TRIM22: variants seen among roughly 807,000 people sequenced by gnomAD.
The protein encoded by TRIM22 is tripartite motif containing 22.
TRIM22 carries 45 observed loss-of-function variants against 53.6 expected under a neutral mutation model. The ratio of observed to expected loss-of-function variants is 0.84; its 90% confidence interval spans 0.66 to 1.08. The LOEUF (loss-of-function observed/expected upper bound fraction) is 1.08, where lower values mean the gene tolerates loss of function less well. Ranked by LOEUF, TRIM22 falls within the 50% of genes least tolerant of loss-of-function variation. The pLI is 0.00. For missense variants in TRIM22, 616 were observed against 590.9 expected (o/e 1.04, Z -0.44); for synonymous variants, 225 against 216.6 (o/e 1.04, Z -0.34).
At position 5,708,234 on chromosome 11, in the gene TRIM22, C is replaced by A. The variant is rs753903918; in HGVS notation, c.835C>A (p.Arg279=). The A allele has an allele frequency of 4.3e-6, 7 of 1,613,988 alleles. No individual in the cohort carries two copies. Among genetic ancestry groups the A allele is most frequent in the Non-Finnish European group, 5.9e-6 (7 of 1,179,998 alleles). Residue 279 remains arginine (R), a synonymous_variant, in exon 6 of 8, where the codon CGA becomes AGA. Coordinates refer to ENST00000379965, the MANE Select transcript of TRIM22 (RefSeq NM_006074.5). ...TTCCAAGAAACTAAAGAGTGTATTCCGAGTACCAGATCTGAGTGGGATGCT... is the reference window on the plus strand; with the variant it reads ...TTCCAAGAAACTAAAGAGTGTATTCAGAGTACCAGATCTGAGTGGGATGCT... ...SVSKKLKSVF[R]VPDLSGMLQV...
chr11:5,690,972 T>A (rs1240344688), intron 1 of TRIM22: 1 of 152,264 alleles, frequency 6.6e-6, no homozygotes. Context: ...ATGCTGTCCA[T>A]AGCTTTCCTG....
chr11:5,693,140 G>GC (rs1175346354), intron 1 of TRIM22, among the ~76,000 whole-genome samples: 1 of 149,040 alleles, frequency 6.7e-6, no homozygotes, highest in Non-Finnish European at 1.5e-5. Context: ...GCCCGCCTCG[G>GC]CCCCCCAAAC....
intron 1 of TRIM22, among the ~76,000 whole-genome samples, chr11:5,693,007 C>T (rs937762712): frequency 2.0e-5 from 3 of 151,190 alleles, no homozygotes; most frequent in South Asian, 4.2e-4. Flanking sequence ...TCCAGAGTAG[C>T]GGGGACTACA....
chr11:5,692,852 G>T, intron 1 of TRIM22, among the ~76,000 whole-genome samples: 2 of 146,012 alleles, frequency 1.4e-5, no homozygotes, highest in Non-Finnish European at 1.5e-5. Context: ...TCCTTATTGT[G>T]TAGCCACACT....
chr11:5,691,353 A>G (rs146834269), intron 1 of TRIM22, among the ~76,000 whole-genome samples: 20 of 152,218 alleles, frequency 1.3e-4, no homozygotes, highest in East Asian at 9.7e-4. Context: ...GGGGCTGCAT[A>G]CACCGGTAAT....
chr11:5,692,808 A>AAT (rs58153163), intron 1 of TRIM22, among the ~76,000 whole-genome samples: 1,505 of 145,542 alleles, frequency 0.01, 22 homozygotes, highest in African/African-American at 0.026. Context: ...AAAAAAAAAA[A>AAT]AGATATTGAT....
At chr11:5,693,024 T>C (rs888316317) in intron 1 of TRIM22, among the ~76,000 whole-genome samples, 1 of 151,670 alleles carries the variant, frequency 6.6e-6, no homozygotes, top group African/African-American at 2.4e-5. Flanking sequence ...TACAAGCAAC[T>C]GCTGTCACAC....
chr11:5,706,720 G>C, intron 5 of TRIM22, 104 bp downstream of exon 5: 1 of 1,183,900 alleles, frequency 8.4e-7, no homozygotes, highest in Admixed American at 2.3e-5. Context: ...CAAAAGGCTG[G>C]GAAATTTGTG....
intron 5 of TRIM22, 98 bp from the exon 6 acceptor site, chr11:5,708,075 T>C (rs1341695996): frequency 2.9e-5 from 28 of 960,076 alleles, no homozygotes; most frequent in Non-Finnish European, 3.9e-5. Context: ...AGGGTCCAAG[T>C]GCGTCAGCAA....
At chr11:5,706,277 G>C (rs1853455253) in intron 4 of TRIM22, among the ~76,000 whole-genome samples, 1 of 152,104 alleles carries the variant, frequency 6.6e-6, no homozygotes, top group Non-Finnish European at 1.5e-5. Context: ...TTTGTCCCCA[G>C]TCTGTGACCA....
rs771903686 is a variant in TRIM22 at position 5,709,686 on chromosome 11, C to T, written c.*38C>T. The stretch of plus-strand genomic sequence containing the variant: ...CTTTACCCACTTCTGCATAGTAGCC[C>T]TTGTGCTGAGACTCAGATTCTGCAC... On this transcript the variant is annotated 3_prime_UTR_variant, in exon 8 of 8. Coordinates refer to ENST00000379965, the MANE Select transcript of TRIM22 (RefSeq NM_006074.5). The T allele has an allele frequency of 1.3e-6, 2 of 1,545,682 alleles. No homozygotes were observed. The highest frequency in any genetic ancestry group is 2.7e-5 in the African/African-American group (2 of 73,418).
rs200924168 is a variant in TRIM22, at chr11:5,697,273, G to T, written c.449G>T (p.Arg150Met). 2 of 1,613,210 alleles carry T rather than the reference G, an allele frequency of 1.2e-6. No homozygotes were observed. The highest frequency in any genetic ancestry group is 2.7e-5 in the African/African-American group (2 of 74,876). Residue 150 changes from arginine to methionine, a missense_variant, in exon 3 of 8, where the codon AGG (arginine) becomes ATG (methionine). Transcript: ENST00000379965. ...CQEKLQVALQ[R>M]LIKEDQEAEK... is the part of the protein sequence containing the mutation. Reference sequence around the variant, plus strand: ...GAAAAGCTGCAGGTAGCCCTGCAGAGGCTGATAAAGGAGGATCAAGAGGCT... The same window carrying T: ...GAAAAGCTGCAGGTAGCCCTGCAGATGCTGATAAAGGAGGATCAAGAGGCT...
intron 4 of TRIM22, among the ~76,000 whole-genome samples, chr11:5,702,053 T>C (rs949608202): frequency 3.0e-4 from 45 of 148,864 alleles, no homozygotes; most frequent in African/African-American, 1.0e-3. Context: ...TTATTAGTTA[T>C]ATATTACTAA....
At chr11:5,694,802 T>C (rs1277540139) in intron 1 of TRIM22, among the ~76,000 whole-genome samples, 1 of 152,092 alleles carries the variant, frequency 6.6e-6, no homozygotes, top group African/African-American at 2.4e-5. Context: ...GGTGGTGGTG[T>C]GTGGGTGTGT....
At chr11:5,692,321 A>C (rs1853185690) in intron 1 of TRIM22, among the ~76,000 whole-genome samples, 1 of 152,244 alleles carries the variant, frequency 6.6e-6, no homozygotes. Flanking sequence ...GATTTTGAGC[A>C]GTCTTCAATA....
intron 1 of TRIM22, among the ~76,000 whole-genome samples, chr11:5,692,876 C>CTT (rs376485434): frequency 0.31 from 41,041 of 132,372 alleles, 6,509 homozygotes; most frequent in South Asian, 0.39. Flanking sequence ...TTAATTTAAT[C>CTT]TTTTTTTTTT....
chr11:5,706,849 T>A (rs935370760), intron 5 of TRIM22, among the ~76,000 whole-genome samples: 1 of 152,200 alleles, frequency 6.6e-6, no homozygotes, highest in Non-Finnish European at 1.5e-5. Flanking sequence ...GTTTGCAATA[T>A]CAGAACCCCA....
chr11:5,697,766 C>T lies in TRIM22; in HGVS notation c.519+423C>T, dbSNP rs181821204. 1,247 of 169,030 alleles carry T rather than the reference C, an allele frequency of 7.4e-3. 10 individuals are homozygous for T. Among genetic ancestry groups the T allele is most frequent in the Admixed American group, 0.012 (213 of 17,632 alleles). The allele number at this position is 169,030 out of a possible 1,614,324, so 10.5% of individuals were successfully genotyped here. Reference sequence around the variant, plus strand: ...TCATACAGGCTGGAGTGTAGTGGCGCGATCTTGGCTCACTGCAACCTCTGC... The same window carrying T: ...TCATACAGGCTGGAGTGTAGTGGCGTGATCTTGGCTCACTGCAACCTCTGC... On this transcript the variant is annotated intron_variant, in intron 3 of 7. Coordinates refer to ENST00000379965, the MANE Select transcript of TRIM22 (RefSeq NM_006074.5).
intron 4 of TRIM22, among the ~76,000 whole-genome samples, chr11:5,701,411 T>C (rs1221379355): frequency 6.6e-6 from 1 of 152,230 alleles, no homozygotes; most frequent in African/African-American, 2.4e-5. Context: ...TAAATTCTAT[T>C]GTTGCGTAAG....
Sources: gnomAD v4.1 joint callset for allele counts (sites outside exome capture counted in the v4.1 genomes callset) on GRCh38, gnomAD v4.1.1 for gene constraint, MANE v1.5 for transcripts, NCBI Gene and HGNC (gene_info 2026-07-23, HGNC 2026-07-21) for gene names.